The following NFXL1 variants were observed in gnomAD, a reference collection of about 807,000 sequenced individuals.
The protein encoded by NFXL1 is nuclear transcription factor, X-box binding like 1, also known as NF-X1-type zinc finger protein NFXL1.
A neutral mutation model predicts 123.3 loss-of-function variants in NFXL1; 66 were observed. That is an observed-to-expected ratio of 0.54 (90% CI 0.44 to 0.66). NFXL1 has a LOEUF of 0.66. NFXL1 is among the 30% of genes least tolerant of loss of function. The pLI is 0.00. For missense variants in NFXL1, 944 were observed against 1,125.6 expected (o/e 0.84, Z 2.31); for synonymous variants, 346 against 360.8 (o/e 0.96, Z 0.46).
At chr4:47,909,147 C>G (rs996197240) in intron 3 of NFXL1, among the ~76,000 whole-genome samples, 1 of 152,084 alleles carries the variant, frequency 6.6e-6, no homozygotes, top group Non-Finnish European at 1.5e-5. Flanking sequence ...AACAACTCTA[C>G]AGTATTTAGT....
At chr4:47,884,313 T>G in intron 15 of NFXL1, 33 bp downstream of exon 15, 9 of 676,908 alleles carry the variant, frequency 1.3e-5, no homozygotes, top group South Asian at 2.8e-5. Flanking sequence ...AAGTTTTTTG[T>G]TTTTTTTTTT....
chr4:47,903,222 A>G lies in NFXL1; in HGVS notation c.618T>C (p.Asp206=). 2 of 1,595,136 alleles carry G rather than the reference A, an allele frequency of 1.3e-6. No homozygotes were observed. The highest frequency in any genetic ancestry group is 8.5e-7 in the Non-Finnish European group (1 of 1,171,582). Residue 206 remains aspartate, a synonymous_variant, in exon 5 of 23, where the codon GAT becomes GAC. Coordinates refer to ENST00000507489, the MANE Select transcript of NFXL1 (RefSeq NM_001278624.2). ...QFLVSSVTDD[D]FGKKDCPWPC... ...GCCAGGGACAATCTTTCTTTCCAAA[A>G]TCATCATCAGTCACAGAAGATACAA...
chr4:47,907,153 G>A (rs1737598950), intron 3 of NFXL1, among the ~76,000 whole-genome samples: 2 of 152,168 alleles, frequency 1.3e-5, no homozygotes, highest in African/African-American at 4.8e-5. Context: ...AAGAAATTTA[G>A]GAAGTAAAAC....
intron 9 of NFXL1, among the ~76,000 whole-genome samples, chr4:47,897,404 C>T (rs1484151009): frequency 6.6e-6 from 1 of 152,144 alleles, no homozygotes; most frequent in African/African-American, 2.4e-5. Context: ...ACATATGATG[C>T]TGTTATTTGT....
chr4:47,851,873 T>A lies in NFXL1; in HGVS notation c.2491A>T (p.Lys831Ter). The A allele has an allele frequency of 6.2e-7, 1 of 1,607,222 alleles. No homozygotes were observed. The highest frequency in any genetic ancestry group is 8.5e-7 in the Non-Finnish European group (1 of 1,174,296). The change falls in exon 21 of 23, where the codon AAG becomes TAG. Residue 831 changes from lysine (K) to a stop codon, truncating the protein, a stop_gained. Transcript: ENST00000507489. LOFTEE classifies it high-confidence loss of function. ...IECDTTCKEM[K>*]RKASEIKEAE... ...GACATTACCTCAGATGCTTTCCGCT[T>A]CATTTCCTTGCACGTTGTGTCACAT...
intron 15 of NFXL1, among the ~76,000 whole-genome samples, chr4:47,879,392 A>G (rs1735946830): frequency 6.6e-6 from 1 of 152,184 alleles, no homozygotes; most frequent in Non-Finnish European, 1.5e-5. Context: ...CAAGATCTCT[A>G]TGGGACAACT....
chr4:47,851,909 C>G lies in NFXL1; in HGVS notation c.2455G>C (p.Val819Leu). ...LQCNKVRENQVSIECDTTCKE... is the reference protein window; with the variant it reads ...LQCNKVRENQLSIECDTTCKE... ...CACGTTGTGTCACATTCTATTGAAA[C>G]CTGATTTTCACGTACTTTGTTGCAC... is the stretch of plus-strand genomic sequence containing the variant. The change falls in exon 21 of 23, where the codon GTT (valine) becomes CTT (leucine). Residue 819 changes from valine (V) to leucine (L), a missense_variant. Val to Leu is a conservative substitution (Grantham distance 32). This residue lies in a region of NFXL1 where 301 missense variants were observed against 348.0 expected (regional missense o/e 0.86). Coordinates refer to ENST00000507489, the MANE Select transcript of NFXL1 (RefSeq NM_001278624.2). 1.2e-6 allele frequency: 2 copies of G among 1,611,774 alleles called. No homozygotes were observed. Among genetic ancestry groups the G allele is most frequent in the Non-Finnish European group, 1.7e-6 (2 of 1,178,152 alleles).
intron 6 of NFXL1, 56 bp downstream of exon 6, chr4:47,899,314 C>A: frequency 6.9e-7 from 1 of 1,452,246 alleles, no homozygotes; most frequent in South Asian, 1.3e-5. Flanking sequence ...TTTTTTGCCT[C>A]AATATAAGAA....
intron 11 of NFXL1, 59 bp from the exon 12 acceptor site, chr4:47,890,762 T>C (rs905335681): frequency 9.2e-5 from 82 of 891,480 alleles, no homozygotes; most frequent in Non-Finnish European, 1.3e-4. Context: ...ATAATAGGCA[T>C]GTCATTACTA....
intron 5 of NFXL1, among the ~76,000 whole-genome samples, chr4:47,900,425 G>A (rs925719413): frequency 6.6e-6 from 1 of 152,126 alleles, no homozygotes. Context: ...TGGCCAGGCT[G>A]GTCTTAACTC....
intron 2 of NFXL1, among the ~76,000 whole-genome samples, chr4:47,912,141 GA>G (rs1737856173): frequency 6.6e-6 from 1 of 152,076 alleles, no homozygotes; most frequent in South Asian, 2.1e-4. Flanking sequence ...AAACCTCGAC[GA>G]AAATGTGTAT....
chr4:47,898,631 T>TAG, intron 8 of NFXL1, 126 bp downstream of exon 8: 1 of 637,108 alleles, frequency 1.6e-6, no homozygotes, highest in Admixed American at 2.8e-5. Context: ...CATGATATAA[T>TAG]TCATCTGAGT....
At chr4:47,876,968 T>C in intron 17 of NFXL1, 2 of 547,824 alleles carry the variant, frequency 3.7e-6, no homozygotes, top group Non-Finnish European at 5.6e-6. Context: ...TGAGCAAATA[T>C]TAGGCAGTGA....
chr4:47,899,298 A>T, intron 6 of NFXL1, 72 bp downstream of exon 6: 19 of 1,131,224 alleles, frequency 1.7e-5, no homozygotes, highest in Non-Finnish European at 2.1e-5. Context: ...AACTTTTACA[A>T]TTTTTTTTTT....
chr4:47,876,133 A>G (rs1735737926), intron 17 of NFXL1, among the ~76,000 whole-genome samples: 1 of 152,082 alleles, frequency 6.6e-6, no homozygotes, highest in Non-Finnish European at 1.5e-5. Context: ...GATTAAAAAG[A>G]AACAGTGCTT....
At position 47,914,006 on chromosome 4, in the gene NFXL1, GGGGCTGTGCCT is replaced by G; in HGVS notation, c.187_197del (p.His64ArgfsTer20). The G allele has an allele frequency of 6.5e-7, 1 of 1,548,338 alleles. No homozygotes were observed. The highest frequency in any genetic ancestry group is 8.7e-7 in the Non-Finnish European group (1 of 1,146,800). On this transcript the variant is annotated frameshift_variant, in exon 2 of 23. Coordinates refer to ENST00000507489, the MANE Select transcript of NFXL1 (RefSeq NM_001278624.2). LOFTEE classifies it high-confidence loss of function. ...TAGTCTGCAGGGCTTGGGATCCTGC[GGGGCTGTGCCT>G]GCTCCCTGCAGCCGCCGTGGTCGCG...
At chr4:47,875,697 A>G (rs1735705881) in intron 17 of NFXL1, among the ~76,000 whole-genome samples, 1 of 152,192 alleles carries the variant, frequency 6.6e-6, no homozygotes, top group South Asian at 2.1e-4. Context: ...TAAAGAAATC[A>G]ATACACTGTT....
rs763873124 is a variant in NFXL1, at chr4:47,910,814, A to C, written c.406+10T>G. Reference sequence around the variant, plus strand: ...TTGACGTCAAAAGTCAAAATTTAAAAGATCAGTACCTGTCTGAGTAGTGTA... The same window carrying C: ...TTGACGTCAAAAGTCAAAATTTAAACGATCAGTACCTGTCTGAGTAGTGTA... On this transcript the variant is annotated intron_variant, in intron 3 of 22. Coordinates refer to ENST00000507489, the MANE Select transcript of NFXL1 (RefSeq NM_001278624.2). 2 of 1,493,480 alleles carry C rather than the reference A, an allele frequency of 1.3e-6. No individual in the cohort carries two copies. The highest frequency in any genetic ancestry group is 1.8e-6 in the Non-Finnish European group (2 of 1,119,254). 92.5% of individuals were successfully genotyped at this position (1,493,480 alleles called of 1,614,324 possible).
Position 47,872,031 on chromosome 4 carries a change from T to C in NFXL1, c.2246+3096A>G, listed in dbSNP as rs563396360. On this transcript the variant is annotated intron_variant, in intron 18 of 22. Coordinates refer to ENST00000507489, the MANE Select transcript of NFXL1 (RefSeq NM_001278624.2). ...ATAAAAGGGAAATTTTTTTCTTCTA[T>C]CTAAATAATCCATAAGCAAAAACTG... is the stretch of plus-strand genomic sequence containing the variant. Among the ~76,000 whole-genome samples the C allele has an allele frequency of 1.3e-5, 2 of 152,186 alleles. 1 individual carries two copies. The highest frequency in any genetic ancestry group is 1.3e-4 in the Admixed American group (2 of 15,286).
Sources: allele counts gnomAD v4.1 joint callset (sites outside exome capture counted in the v4.1 genomes callset), GRCh38; gene constraint gnomAD v4.1.1; regional missense constraint gnomAD v4.1.1; transcripts MANE v1.5; gene names NCBI Gene and HGNC (gene_info 2026-07-23, HGNC 2026-07-21).